Variants in FREM3 observed in about 807,000 individuals in gnomAD.
FREM3 encodes FRAS1-related extracellular matrix protein 3.
In FREM3, 105 loss-of-function variants were observed where a neutral mutation model predicts 129.1. That is an observed-to-expected ratio of 0.81 (90% CI 0.69 to 0.96). FREM3 has a LOEUF of 0.96. FREM3 is among the 40% of genes least tolerant of loss of function. FREM3 has a pLI of 0.00. For synonymous variants in FREM3, 1,014 were observed against 1,044.9 expected, an observed-to-expected ratio of 0.97 and a Z score of 0.57; for missense variants, 2,593 against 2,666.3, an observed-to-expected ratio of 0.97 and a Z score of 0.61.
chr4:143,611,415 G>A lies in FREM3; in HGVS notation c.5892C>T (p.Cys1964=), dbSNP rs545010807. ...GGGAGTCATCAATGATCAGGACCTG[G>A]CAGGTCTTCTGTGTCTCATTCTTGT... ...HFDKNETQKT[C]QVLIIDDSLY... is the part of the protein sequence containing the mutation. Residue 1964 remains cysteine, a synonymous_variant, in exon 6 of 8, where the codon TGC becomes TGT. Transcript: ENST00000329798. The A allele has an allele frequency of 3.3e-5, 50 of 1,537,184 alleles. No homozygotes were observed. The South Asian group carries it at 5.8e-4, about 18-fold the overall frequency.
rs377343071 is a variant in FREM3, at chr4:143,665,844, G to A, written c.5275+27269C>T. On this transcript the variant is annotated intron_variant, in intron 2 of 7. Coordinates refer to ENST00000329798, the MANE Select transcript of FREM3 (RefSeq NM_001168235.2). Reference sequence around the variant, plus strand: ...GTGTACTCATCTAACTAGCCCTTGTGTTCTAGGATATCAAAGGCCTGATTT... The same window carrying A: ...GTGTACTCATCTAACTAGCCCTTGTATTCTAGGATATCAAAGGCCTGATTT... Among the ~76,000 whole-genome samples, 29 of 152,196 alleles carry A rather than the reference G, an allele frequency of 1.9e-4. No homozygotes were observed. In the East Asian group the frequency reaches 3.5e-3, roughly 18 times the overall value.
At chr4:143,612,472 A>G (rs1233138889) in intron 5 of FREM3, among the ~76,000 whole-genome samples, 1 of 152,094 alleles carries the variant, frequency 6.6e-6, no homozygotes, top group Non-Finnish European at 1.5e-5. Context: ...TTACTGGCTG[A>G]TAATTTGGGT....
intron 6 of FREM3, among the ~76,000 whole-genome samples, chr4:143,592,170 C>T (rs935532000): frequency 1.3e-5 from 2 of 151,792 alleles, no homozygotes; most frequent in Non-Finnish European, 3.0e-5. Flanking sequence ...ATACAGCACA[C>T]TGGTGGGTCT....
chr4:143,695,684 G>A lies in FREM3; in HGVS notation c.4992C>T (p.Thr1664=). 6.5e-7 allele frequency: 1 copy of A among 1,537,224 alleles called. No homozygotes were observed. The highest frequency in any genetic ancestry group is 8.7e-7 in the Non-Finnish European group (1 of 1,146,884). Residue 1664 remains threonine (T), a synonymous_variant, in exon 1 of 8, where the codon ACC becomes ACT. Coordinates refer to ENST00000329798, the MANE Select transcript of FREM3 (RefSeq NM_001168235.2). ...SLDNRLPQIT[T]NRGAPALKRL... ...GCTTCAAGGCTGGGGCACCCCTGTT[G>A]GTAGTAATCTGGGGAAGCCTATTGT...
rs1230732178 is a variant in FREM3 at position 143,592,279 on chromosome 4, C to T, written c.6029-6286G>A. ...TTGTTATGTGTGAATTTGATCCTGT[C>T]ATTATGATGTTGGCTGGTTATTCTG... On this transcript the variant is annotated intron_variant, in intron 6 of 7. Transcript: ENST00000329798. Among the ~76,000 whole-genome samples, 2 of 152,140 alleles carry T rather than the reference C, an allele frequency of 1.3e-5. 1 individual carries two copies. The highest frequency in any genetic ancestry group is 2.9e-5 in the Non-Finnish European group (2 of 68,032).
At chr4:143,672,195 A>C (rs1424523056) in intron 2 of FREM3, among the ~76,000 whole-genome samples, 1 of 152,242 alleles carries the variant, frequency 6.6e-6, no homozygotes, top group Non-Finnish European at 1.5e-5. Flanking sequence ...AGTTCAGCAT[A>C]AATGACCTCG....
Position 143,577,410 on chromosome 4 carries a change from G to C in FREM3, c.*201C>G. On this transcript the variant is annotated 3_prime_UTR_variant, in exon 8 of 8. Coordinates refer to ENST00000329798, the MANE Select transcript of FREM3 (RefSeq NM_001168235.2). ...GAACATGAACACAGTCTAATTATTT[G>C]TGGGCTCAATGTTTTCTAGGTATAT... 4 of 548,194 alleles carry C rather than the reference G, an allele frequency of 7.3e-6. No individual in the cohort carries two copies. The highest frequency in any genetic ancestry group is 9.5e-6 in the Non-Finnish European group (3 of 317,438). 34.0% of individuals were successfully genotyped at this position (548,194 alleles called of 1,614,324 possible).
intron 2 of FREM3, among the ~76,000 whole-genome samples, chr4:143,636,682 AT>A (rs1739238413): frequency 6.6e-6 from 1 of 152,096 alleles, no homozygotes; most frequent in African/African-American, 2.4e-5. Context: ...ATATAACTTA[AT>A]TACTAATTCT....
At chr4:143,629,810 A>T (rs1739106763) in intron 2 of FREM3, among the ~76,000 whole-genome samples, 1 of 152,146 alleles carries the variant, frequency 6.6e-6, no homozygotes, top group African/African-American at 2.4e-5. Flanking sequence ...AGGTCCCCAC[A>T]GGTGAGTGGT....
In FREM3 at chr4:143,699,381, A is replaced by ACTAGCCATATGGGGAAT. The variant is rs765712976; in HGVS notation, c.1294_1295insATTCCCCATATGGCTAG (p.Val432AspfsTer6). Reference sequence around the variant, plus strand: ...TCCCCTGTTATGGCTAGCCACTGGGACCAGAGTATTCATGGATTTCACTGT... The same window carrying ACTAGCCATATGGGGAAT: ...TCCCCTGTTATGGCTAGCCACTGGGACTAGCCATATGGGGAATCCAGAGTATTCATGGATTTCACTGT... On this transcript the variant is annotated stop_gained and frameshift_variant, in exon 1 of 8. Coordinates refer to ENST00000329798, the MANE Select transcript of FREM3 (RefSeq NM_001168235.2). LOFTEE classifies it high-confidence loss of function. The surrounding 1 kb of genome is among the most constrained non-coding windows in gnomAD (Gnocchi z 4.2). 2 of 1,537,286 alleles carry ACTAGCCATATGGGGAAT rather than the reference A, an allele frequency of 1.3e-6. No individual in the cohort carries two copies. The highest frequency in any genetic ancestry group is 2.4e-5 in the South Asian group (2 of 84,066).
intron 2 of FREM3, among the ~76,000 whole-genome samples, chr4:143,660,083 T>A (rs1336224021): frequency 2.7e-5 from 4 of 149,712 alleles, no homozygotes; most frequent in African/African-American, 9.9e-5. Flanking sequence ...GCTCTTTAGT[T>A]TAATTAGATC....
chr4:143,586,107 C>T, intron 6 of FREM3, 114 bp from the exon 7 acceptor site: 1 of 1,036,684 alleles, frequency 9.6e-7, no homozygotes, highest in Non-Finnish European at 1.4e-6. Context: ...TGACAGATCC[C>T]ATAGGTCTTG....
rs577492895 is a variant in FREM3 at position 143,622,091 on chromosome 4, C to T, written c.5654-929G>A. On this transcript the variant is annotated intron_variant, in intron 4 of 7. Transcript: ENST00000329798. Reference sequence around the variant, plus strand: ...AAGGGAAAAGATTGTAGGCAATCACCTTTTTTTTTTTTTTTTTGAGGCAGG... The same window carrying T: ...AAGGGAAAAGATTGTAGGCAATCACTTTTTTTTTTTTTTTTTTGAGGCAGG... 3.6e-3 allele frequency among the ~76,000 whole-genome samples: 496 copies of T among 137,378 alleles called. 4 individuals carry two copies. The highest frequency in any genetic ancestry group is 0.013 in the African/African-American group (481 of 37,410). 90.1% of individuals were successfully genotyped at this position (137,378 alleles called of 152,430 possible). A position where few individuals can be genotyped will look rare whatever the true frequency, so the allele number is the denominator to read the frequency against.
At chr4:143,680,327 T>C (rs947042591) in intron 2 of FREM3, among the ~76,000 whole-genome samples, 6 of 151,834 alleles carry the variant, frequency 4.0e-5, no homozygotes, top group Non-Finnish European at 8.8e-5. Context: ...TTTACATCTT[T>C]ACACACTGTT....
intron 7 of FREM3, among the ~76,000 whole-genome samples, chr4:143,582,606 T>C (rs965760120): frequency 2.0e-5 from 3 of 152,156 alleles, no homozygotes; most frequent in African/African-American, 7.2e-5. Flanking sequence ...CAAAAAGCTA[T>C]AGTGTCTTCC....
In FREM3 at chr4:143,619,563, C is replaced by T. The variant is rs114884757; in HGVS notation, c.5779+1474G>A. ...CCATGTATAGGATGAAAGTTCAATT[C>T]GGTTATTTAAACATCTCTGGAAGTC... On this transcript the variant is annotated intron_variant, in intron 5 of 7. Transcript: ENST00000329798. Among the ~76,000 whole-genome samples the T allele has an allele frequency of 6.0e-3, 911 of 152,082 alleles. 11 individuals carry two copies. Among genetic ancestry groups the T allele is most frequent in the African/African-American group, 0.021 (866 of 41,476 alleles).
chr4:143,664,247 G>T (rs1739805631), intron 2 of FREM3, among the ~76,000 whole-genome samples: 1 of 152,070 alleles, frequency 6.6e-6, no homozygotes, highest in Admixed American at 6.6e-5. Flanking sequence ...TGATGGTGAT[G>T]CACAGATGAG....
chr4:143,687,596 A>G (rs1434336393), intron 2 of FREM3, among the ~76,000 whole-genome samples: 1 of 152,218 alleles, frequency 6.6e-6, no homozygotes, highest in Non-Finnish European at 1.5e-5. Context: ...TGATGGACAT[A>G]GATGCTAAAA....
rs138836761 is a variant in FREM3, at chr4:143,581,636, T to C, written c.6179-3784A>G. Reference sequence around the variant, plus strand: ...CTCAGACTGGGGAAGGAACAAAGAGTCTGAGGGCTTTACTCACACCTCTAC... The same window carrying C: ...CTCAGACTGGGGAAGGAACAAAGAGCCTGAGGGCTTTACTCACACCTCTAC... On this transcript the variant is annotated intron_variant, in intron 7 of 7. Coordinates refer to ENST00000329798, the MANE Select transcript of FREM3 (RefSeq NM_001168235.2). 2.8e-3 allele frequency among the ~76,000 whole-genome samples: 422 copies of C among 151,270 alleles called. 4 individuals carry two copies. Among genetic ancestry groups the C allele is most frequent in the African/African-American group, 9.1e-3 (374 of 41,110 alleles).
Sources: gnomAD v4.1 joint callset for allele counts (sites outside exome capture counted in the v4.1 genomes callset) on GRCh38, gnomAD v4.1.1 for gene constraint, Gnocchi (gnomAD v3.1) non-coding constraint, MANE v1.5 for transcripts, NCBI Gene and HGNC (gene_info 2026-07-23, HGNC 2026-07-21) for gene names.